SGCZ: variants seen among roughly 807,000 people sequenced by gnomAD.
SGCZ encodes zeta-sarcoglycan.
SGCZ carries 40 observed loss-of-function variants against 41.3 expected under a neutral mutation model. The observed-to-expected ratio is 0.97, with a 90% CI of 0.75 to 1.26. The LOEUF (loss-of-function observed/expected upper bound fraction) is 1.26, where lower values mean the gene tolerates loss of function less well. Among genes scored for constraint, SGCZ ranks in the 50% most tolerant of loss-of-function variants. SGCZ has a pLI of 0.00. For synonymous variants in SGCZ, 206 were observed against 137.5 expected (o/e 1.50, Z -3.49); for missense variants, 552 against 369.8 (o/e 1.49, Z -4.04).
At chr8:14,227,238 A>T (rs1280980259) in intron 4 of SGCZ, among the ~76,000 whole-genome samples, 1 of 152,104 alleles carries the variant, frequency 6.6e-6, no homozygotes, top group Non-Finnish European at 1.5e-5. Context: ...AAGTATGGCA[A>T]AAAAAATGTA....
intron 3 of SGCZ, among the ~76,000 whole-genome samples, chr8:14,264,927 C>T (rs925930251): frequency 1.3e-5 from 2 of 152,186 alleles, no homozygotes; most frequent in African/African-American, 4.8e-5. Context: ...GGCGCCACTG[C>T]ACTCCGGCCT....
intron 2 of SGCZ, among the ~76,000 whole-genome samples, chr8:14,368,102 T>A (rs1161125414): frequency 6.6e-6 from 1 of 152,112 alleles, no homozygotes; most frequent in Non-Finnish European, 1.5e-5. Context: ...GTGTAACATT[T>A]TTTTTAAATG....
intron 2 of SGCZ, among the ~76,000 whole-genome samples, chr8:14,433,016 C>A (rs1799990004): frequency 7.0e-6 from 1 of 142,416 alleles, no homozygotes; most frequent in African/African-American, 2.7e-5. Flanking sequence ...AGAAAAAAAA[C>A]ATTGTTTCTC....
At chr8:14,313,450 A>G (rs1585350958) in intron 3 of SGCZ, among the ~76,000 whole-genome samples, 1 of 152,124 alleles carries the variant, frequency 6.6e-6, no homozygotes, top group Non-Finnish European at 1.5e-5. Flanking sequence ...CCAAATAGCT[A>G]GGATTACAAG....
At chr8:14,447,850 T>A (rs528058941) in intron 2 of SGCZ, among the ~76,000 whole-genome samples, 1 of 152,176 alleles carries the variant, frequency 6.6e-6, no homozygotes, top group Non-Finnish European at 1.5e-5. Flanking sequence ...CTCTTTGAGA[T>A]GTCATAATGC....
chr8:14,368,054 A>G (rs73664321), intron 2 of SGCZ, among the ~76,000 whole-genome samples: 1 of 152,056 alleles, frequency 6.6e-6, no homozygotes, highest in Admixed American at 6.6e-5. Context: ...ATAATTGTCA[A>G]GGTATTTAAA....
chr8:14,112,387 G>T (rs961009114), intron 5 of SGCZ, among the ~76,000 whole-genome samples: 3 of 142,010 alleles, frequency 2.1e-5, no homozygotes, highest in African/African-American at 7.6e-5. Context: ...AAGGTTAACA[G>T]GACATAAACA....
chr8:14,661,126 A>G (rs1045174084), intron 1 of SGCZ, among the ~76,000 whole-genome samples: 1 of 152,152 alleles, frequency 6.6e-6, no homozygotes, highest in Non-Finnish European at 1.5e-5. Context: ...TTATGGAAAC[A>G]TCATACATAA....
chr8:14,271,236 CT>C (rs1800048591), intron 3 of SGCZ, among the ~76,000 whole-genome samples: 1 of 151,750 alleles, frequency 6.6e-6, no homozygotes, highest in Non-Finnish European at 1.5e-5. Flanking sequence ...AGTTGACTAT[CT>C]AATAAAGGAA....
intron 4 of SGCZ, among the ~76,000 whole-genome samples, chr8:14,186,534 G>T (rs1485827078): frequency 1.3e-5 from 2 of 152,150 alleles, no homozygotes. Context: ...GGCTAGACAA[G>T]AAGACTAAAG....
intron 2 of SGCZ, among the ~76,000 whole-genome samples, chr8:14,414,192 GCACA>G (rs147187762): frequency 2.0e-5 from 3 of 150,848 alleles, no homozygotes; most frequent in African/African-American, 4.9e-5. Flanking sequence ...ACACACTCGC[GCACA>G]CACACACACA....
intron 1 of SGCZ, among the ~76,000 whole-genome samples, chr8:14,819,366 C>T (rs1305612078): frequency 2.0e-5 from 3 of 152,036 alleles, no homozygotes; most frequent in Admixed American, 1.3e-4. Flanking sequence ...GTACTCTTAG[C>T]AAATAGTTTG....
At chr8:14,414,194 A>G (rs534941318) in intron 2 of SGCZ, among the ~76,000 whole-genome samples, 36 of 151,738 alleles carry the variant, frequency 2.4e-4, no homozygotes, top group South Asian at 1.5e-3. Flanking sequence ...ACACTCGCGC[A>G]CACACACACA....
intron 2 of SGCZ, among the ~76,000 whole-genome samples, chr8:14,360,545 C>G (rs140703429): frequency 7.2e-5 from 11 of 152,010 alleles, no homozygotes; most frequent in African/African-American, 2.2e-4. Context: ...AGGCTGGTCT[C>G]GAACTCCTGA....
At chr8:14,333,925 A>G (rs1318635423) in intron 2 of SGCZ, among the ~76,000 whole-genome samples, 1 of 152,148 alleles carries the variant, frequency 6.6e-6, no homozygotes, top group Admixed American at 6.5e-5. Context: ...GTAAAGATTC[A>G]GTTGCGTCCT....
At chr8:14,852,661 T>C (rs1803375341) in intron 1 of SGCZ, among the ~76,000 whole-genome samples, 1 of 152,204 alleles carries the variant, frequency 6.6e-6, no homozygotes, top group Non-Finnish European at 1.5e-5. Context: ...TACAAACATC[T>C]TGTCTTTTCC....
chr8:14,442,090 A>G lies in SGCZ; in HGVS notation c.234+112642T>C, dbSNP rs527374968. On this transcript the variant is annotated intron_variant, in intron 2 of 7. Coordinates refer to ENST00000382080, the MANE Select transcript of SGCZ (RefSeq NM_139167.4). ...AATTACAAATTGCTGACTTCATGCT[A>G]TAAATAGCTTTTCCTGAGATCACTG... Among the ~76,000 whole-genome samples the G allele has an allele frequency of 2.6e-5, 4 of 152,296 alleles. No individual in the cohort carries two copies. The South Asian group carries it at 6.2e-4, about 24-fold the overall frequency.
intron 1 of SGCZ, among the ~76,000 whole-genome samples, chr8:15,017,164 A>G (rs1803070805): frequency 6.6e-6 from 1 of 152,236 alleles, no homozygotes; most frequent in East Asian, 1.9e-4. Context: ...AACTTTAGTT[A>G]CTTTTCAGTA....
chr8:14,231,940 C>A (rs754594129), intron 4 of SGCZ, among the ~76,000 whole-genome samples: 1 of 151,974 alleles, frequency 6.6e-6, no homozygotes, highest in Non-Finnish European at 1.5e-5. Context: ...TATGAGTAAA[C>A]ATTTACTAAT....
Sources: allele counts gnomAD v4.1 joint callset (sites outside exome capture counted in the v4.1 genomes callset), GRCh38; gene constraint gnomAD v4.1.1; transcripts MANE v1.5; gene names NCBI Gene and HGNC (gene_info 2026-07-23, HGNC 2026-07-21).